The following LRP12 variants were observed in gnomAD, a reference collection of about 807,000 sequenced individuals.
LRP12 encodes LDL receptor related protein 12.
A neutral mutation model predicts 66.0 loss-of-function variants in LRP12; 14 were observed. The ratio of observed to expected loss-of-function variants is 0.21; its 90% CI spans 0.14 to 0.33. LRP12 has a LOEUF of 0.33. LRP12 is among the 10% of genes least tolerant of loss of function. The pLI is 1.00. For missense variants in LRP12, 889 were observed against 1,053.4 expected (o/e 0.84, Z 2.16); for synonymous variants, 357 against 359.1 (o/e 0.99, Z 0.07).
At chr8:104,530,123 T>C (rs1811303458) in intron 2 of LRP12, among the ~76,000 whole-genome samples, 1 of 152,206 alleles carries the variant, frequency 6.6e-6, no homozygotes, top group Non-Finnish European at 1.5e-5. Context: ...GATGTAAACA[T>C]GCAATAGGTT....
At chr8:104,573,330 G>A (rs1312478778) in intron 1 of LRP12, among the ~76,000 whole-genome samples, 1 of 152,156 alleles carries the variant, frequency 6.6e-6, no homozygotes, top group African/African-American at 2.4e-5. Context: ...CCTACTGACA[G>A]AATACAGGAG....
intron 1 of LRP12, among the ~76,000 whole-genome samples, chr8:104,547,868 A>G (rs1277957038): frequency 7.8e-6 from 1 of 128,086 alleles, no homozygotes; most frequent in Non-Finnish European, 1.6e-5. Context: ...TATAATATAC[A>G]ATTCTGTTAT....
At chr8:104,576,113 G>C (rs962235547) in intron 1 of LRP12, among the ~76,000 whole-genome samples, 4 of 152,036 alleles carry the variant, frequency 2.6e-5, no homozygotes, top group African/African-American at 9.7e-5. Context: ...GAGAAATAAG[G>C]GATTATGTAA....
intron 1 of LRP12, among the ~76,000 whole-genome samples, chr8:104,541,750 A>G (rs1811480970): frequency 6.6e-6 from 1 of 152,144 alleles, no homozygotes; most frequent in African/African-American, 2.4e-5. Context: ...AATAAATGGA[A>G]TCATACAATA....
chr8:104,531,855 A>G, intron 2 of LRP12, 52 bp downstream of exon 2: 1 of 1,234,884 alleles, frequency 8.1e-7, no homozygotes, highest in South Asian at 1.3e-5. Flanking sequence ...GGCTTTCAAT[A>G]TTTACCATAT....
At chr8:104,570,207 CTAAAG>C (rs552154229) in intron 1 of LRP12, among the ~76,000 whole-genome samples, 2 of 152,078 alleles carry the variant, frequency 1.3e-5, no homozygotes, top group African/African-American at 2.4e-5. Flanking sequence ...TCAATTCTTC[CTAAAG>C]TAATCTATAA....
At chr8:104,517,375 G>A (rs1424327886) in intron 2 of LRP12, among the ~76,000 whole-genome samples, 4 of 150,376 alleles carry the variant, frequency 2.7e-5, no homozygotes, top group Non-Finnish European at 6.0e-5. Flanking sequence ...TCATAGAAGA[G>A]AAGTTGGTAG....
intron 4 of LRP12, 53 bp downstream of exon 4, chr8:104,499,264 A>T: frequency 7.3e-7 from 1 of 1,368,392 alleles, no homozygotes; most frequent in South Asian, 1.3e-5. Flanking sequence ...GAAGTGACAG[A>T]GCAGTTAATA....
intron 1 of LRP12, among the ~76,000 whole-genome samples, chr8:104,573,631 C>CA (rs1289071274): frequency 2.6e-5 from 4 of 152,032 alleles, no homozygotes; most frequent in Non-Finnish European, 5.9e-5. Flanking sequence ...TTTCCTGTTA[C>CA]AGTACCTATA....
At chr8:104,569,543 GA>G (rs1244007232) in intron 1 of LRP12, among the ~76,000 whole-genome samples, 2 of 151,936 alleles carry the variant, frequency 1.3e-5, no homozygotes, top group African/African-American at 4.8e-5. Flanking sequence ...AGTCAAAAAA[GA>G]AAAATCACAT....
intron 1 of LRP12, among the ~76,000 whole-genome samples, chr8:104,579,160 A>G (rs896513470): frequency 1.3e-5 from 2 of 152,198 alleles, no homozygotes; most frequent in South Asian, 2.1e-4. Flanking sequence ...TGCAAATGAC[A>G]TGATCCTATA....
chr8:104,517,404 T>C (rs932770217), intron 2 of LRP12, among the ~76,000 whole-genome samples: 21 of 151,804 alleles, frequency 1.4e-4, no homozygotes, highest in African/African-American at 5.1e-4. Flanking sequence ...AAAAGCATAC[T>C]CTAAACTAGT....
Position 104,497,247 on chromosome 8 carries a change from G to A in LRP12, c.1305C>T (p.Tyr435=), listed in dbSNP as rs777701791. The part of the protein sequence containing the change: ...VCYPRSDRCN[Y]QNHCPNGSDE... ...CTGAGCCATTTGGGCAATGATTCTG[G>A]TAGTTGCAGCGATCAGAACGAGGAT... The change falls in exon 5 of 7, where the codon TAC becomes TAT. Residue 435 remains tyrosine (Y), a synonymous_variant. Transcript: ENST00000276654. This position sits in a 1 kb window ranked among gnomAD's most constrained non-coding sequence, Gnocchi z 4.3. 2.5e-6 allele frequency: 4 copies of A among 1,613,868 alleles called. No individual in the cohort carries two copies. In the African/African-American group the frequency reaches 5.3e-5, roughly 22 times the overall value.
intron 1 of LRP12, among the ~76,000 whole-genome samples, chr8:104,541,047 T>C (rs1242192229): frequency 6.6e-6 from 1 of 152,206 alleles, no homozygotes; most frequent in Non-Finnish European, 1.5e-5. Context: ...ATATTCTTAA[T>C]GGACCTTTGG....
rs754468887 is a variant in LRP12 at position 104,497,851 on chromosome 8, G to T, written c.701C>A (p.Pro234His). 1 of 1,614,170 alleles carries T rather than the reference G, an allele frequency of 6.2e-7. No homozygotes were observed. The highest frequency in any genetic ancestry group is 1.3e-5 in the African/African-American group (1 of 75,030). Residue 234 changes from proline to histidine, a missense_variant, in exon 5 of 7, where the codon CCC becomes CAC. This residue lies in a region of LRP12 where 800 missense variants were observed against 964.5 expected (regional missense o/e 0.83). Coordinates refer to ENST00000276654, the MANE Select transcript of LRP12 (RefSeq NM_013437.5). The surrounding 1 kb of genome is among the most constrained non-coding windows in gnomAD (Gnocchi z 4.3). ...SRFTKVYTCL[P>H]ESLKCDGNID... The stretch of plus-strand genomic sequence containing the variant: ...GTTCCCATCACATTTTAAAGATTCG[G>T]GGAGGCAAGTGTAAACTTTGGTAAA...
chr8:104,493,796 A>G (rs901311790), intron 6 of LRP12, among the ~76,000 whole-genome samples: 3 of 152,248 alleles, frequency 2.0e-5, no homozygotes, highest in Non-Finnish European at 4.4e-5. Flanking sequence ...ATTGTCACAT[A>G]TCTGTGTTCA....
At chr8:104,518,968 G>A (rs1303525997) in intron 2 of LRP12, among the ~76,000 whole-genome samples, 1 of 151,964 alleles carries the variant, frequency 6.6e-6, no homozygotes, top group Non-Finnish European at 1.5e-5. Context: ...GAGAATACAA[G>A]GCAAGTGACC....
intron 1 of LRP12, among the ~76,000 whole-genome samples, chr8:104,567,811 G>T (rs1437502322): frequency 1.3e-5 from 2 of 152,150 alleles, no homozygotes; most frequent in Admixed American, 1.3e-4. Flanking sequence ...ATGTTTATCA[G>T]TCAGAAGGAT....
chr8:104,534,068 C>CAAA lies in LRP12; in HGVS notation c.80-2108_80-2106dup, dbSNP rs35546158. Among the ~76,000 whole-genome samples, 311 of 135,832 alleles carry CAAA rather than the reference C, an allele frequency of 2.3e-3. 2 individuals are homozygous for CAAA. The highest frequency in any genetic ancestry group is 6.4e-3 in the African/African-American group (239 of 37,312). 89.1% of individuals were successfully genotyped at this position (135,832 alleles called of 152,430 possible). On this transcript the variant is annotated intron_variant, in intron 1 of 6. Transcript: ENST00000276654. Reference sequence around the variant, plus strand: ...GGCTTAGTGAAATTCTTTATAATAGCAAAAAAAAAAAAAAAATCTAAAACT... The same window carrying CAAA: ...GGCTTAGTGAAATTCTTTATAATAGCAAAAAAAAAAAAAAAAAAATCTAAAACT...
Sources: allele counts gnomAD v4.1 joint callset (sites outside exome capture counted in the v4.1 genomes callset), GRCh38; gene constraint gnomAD v4.1.1; regional missense constraint gnomAD v4.1.1; non-coding constraint Gnocchi (gnomAD v3.1); transcripts MANE v1.5; gene names NCBI Gene and HGNC (gene_info 2026-07-23, HGNC 2026-07-21).